CEP131: variants seen among roughly 807,000 people sequenced by gnomAD.
CEP131 encodes centrosomal protein 131, also known as centrosomal protein of 131 kDa.
CEP131 carries 99 observed loss-of-function variants against 136.8 expected under a neutral mutation model. The observed-to-expected ratio is 0.72, with a 90% confidence interval of 0.62 to 0.86. The LOEUF is 0.86. Ranked by LOEUF, CEP131 falls within the 40% of genes least tolerant of loss-of-function variation. The pLI, the probability that CEP131 is intolerant of heterozygous loss-of-function variation, is 0.00. For missense variants in CEP131, 1,459 were observed against 1,463.0 expected, an observed-to-expected ratio of 1.00 and a Z score of 0.04; for synonymous variants, 646 against 612.7, an observed-to-expected ratio of 1.05 and a Z score of -0.80.
chr17:81,216,412 T>C (rs2062247813), intron 2 of CEP131, among the ~76,000 whole-genome samples: 3 of 151,962 alleles, frequency 2.0e-5, no homozygotes, highest in Admixed American at 2.0e-4. Flanking sequence ...GCACCTGTAA[T>C]CCATGCTACT....
At position 81,208,771 on chromosome 17, in the gene CEP131, T is replaced by G. The variant is rs570871708; in HGVS notation, c.272+157A>C. On this transcript the variant is annotated intron_variant, in intron 3 of 25. Coordinates refer to ENST00000450824, the MANE Select transcript of CEP131 (RefSeq NM_014984.4). The surrounding 1 kb of genome is among the most constrained non-coding windows in gnomAD (Gnocchi z 5.6). Reference sequence around the variant, plus strand: ...CGAGAGGAGGCCTGGGACACAAAGCTGGCCCGTGAGGTCACTCCAGGCCTC... The same window carrying G: ...CGAGAGGAGGCCTGGGACACAAAGCGGGCCCGTGAGGTCACTCCAGGCCTC... 1.8e-3 allele frequency among the ~76,000 whole-genome samples: 279 copies of G among 152,060 alleles called. No homozygotes were observed. Among genetic ancestry groups the G allele is most frequent in the Middle Eastern group, 3.4e-3 (1 of 294 alleles).
In CEP131 at chr17:81,201,821, G is replaced by C. The variant is rs530061596; in HGVS notation, c.788+419C>G. 2.0e-5 allele frequency among the ~76,000 whole-genome samples: 3 copies of C among 152,306 alleles called. No individual in the cohort carries two copies. The East Asian group carries it at 5.8e-4, about 29-fold the overall frequency. On this transcript the variant is annotated intron_variant, in intron 7 of 25. Transcript: ENST00000450824. ...GCTCGGTCTCAATATTTTAAAACAGGCCGGGGGTGGTGGCTCACGCCTGTA... is the reference window on the plus strand; with the variant it reads ...GCTCGGTCTCAATATTTTAAAACAGCCCGGGGGTGGTGGCTCACGCCTGTA...
chr17:81,204,758 A>ACACCTGCACCGGACCG (rs938612928), intron 5 of CEP131, among the ~76,000 whole-genome samples: 2 of 149,030 alleles, frequency 1.3e-5, no homozygotes, highest in Non-Finnish European at 2.9e-5. Context: ...GCACCGGACC[A>ACACCTGCACCGGACCG]CACCTGCACC....
chr17:81,198,850 T>C (rs1237016313), intron 11 of CEP131, 27 bp downstream of exon 11: 1 of 1,557,344 alleles, frequency 6.4e-7, no homozygotes, highest in South Asian at 1.2e-5. Context: ...AAAACCATGA[T>C]GGAGTGAAGG....
chr17:81,218,694 C>T (rs541433900), intron 2 of CEP131, among the ~76,000 whole-genome samples: 7 of 152,380 alleles, frequency 4.6e-5, no homozygotes, highest in South Asian at 2.1e-4. Flanking sequence ...GCTACTGGCC[C>T]GGCTGCCCTT....
intron 5 of CEP131, among the ~76,000 whole-genome samples, chr17:81,206,441 C>T (rs925247836): frequency 6.6e-6 from 1 of 152,186 alleles, no homozygotes; most frequent in Non-Finnish European, 1.5e-5. Flanking sequence ...TCCCCAGGAC[C>T]CCCTACAAGC....
rs35898727 is a variant in CEP131, at chr17:81,193,939, GT to G, written c.2307del (p.Glu769AspfsTer50). 16 of 1,536,646 alleles carry G rather than the reference GT, an allele frequency of 1.0e-5. No homozygotes were observed. Among genetic ancestry groups the G allele is most frequent in the Non-Finnish European group, 8.8e-7 (1 of 1,141,832 alleles). ...EKEALGQQER[E>X]RARQRFQQHL... ...GCCACCACCCACCGCTGCCGAGCAC[GT>G]TCGCGCTCCTGCTGGCCCAGCGCCT... On this transcript the variant is annotated frameshift_variant, in exon 18 of 26. Coordinates refer to ENST00000450824, the MANE Select transcript of CEP131 (RefSeq NM_014984.4). LOFTEE classifies it high-confidence loss of function.
At chr17:81,197,974 G>A (rs2061802517) in intron 12 of CEP131, 86 bp from the exon 13 acceptor site, 3 of 1,537,826 alleles carry the variant, frequency 2.0e-6, no homozygotes, top group Non-Finnish European at 2.6e-6. Context: ...AGCTGAGGCT[G>A]GGCTCTGGGA....
intron 7 of CEP131, among the ~76,000 whole-genome samples, chr17:81,201,099 A>G (rs897488313): frequency 2.6e-5 from 4 of 152,252 alleles, no homozygotes; most frequent in Non-Finnish European, 4.4e-5. Flanking sequence ...AAAATGCTTC[A>G]CCTTGGCTCT....
In CEP131 at chr17:81,219,825, T is replaced by G; in HGVS notation, c.177+55A>C. ...CTGGACCCAGGGGTCAGATGCCAAC[T>G]GAACAACAGCCCTCCAGGAGGCAGG... On this transcript the variant is annotated intron_variant, in intron 2 of 25. Coordinates refer to ENST00000450824, the MANE Select transcript of CEP131 (RefSeq NM_014984.4). This position sits in a 1 kb window ranked among gnomAD's most constrained non-coding sequence, Gnocchi z 4.0. 1 of 1,477,372 alleles carries G rather than the reference T, an allele frequency of 6.8e-7. No homozygotes were observed. Among genetic ancestry groups the G allele is most frequent in the Non-Finnish European group, 9.0e-7 (1 of 1,105,376 alleles). The allele number at this position is 1,477,372 out of a possible 1,614,324, so 91.5% of individuals were successfully genotyped here. A position where few individuals can be genotyped will look rare whatever the true frequency, so the allele number is the denominator to read the frequency against.
chr17:81,203,495 T>G lies in CEP131; in HGVS notation c.628A>C (p.Asn210His), dbSNP rs201396137. 4 of 1,597,658 alleles carry G rather than the reference T, an allele frequency of 2.5e-6. No individual in the cohort carries two copies. The African/African-American group carries it at 5.3e-5, about 21-fold the overall frequency. ...KSSNQTAPSL[N>H]NIIKAATCEG... is the part of the protein sequence containing the mutation. ...CGCGGCCTCCCCAGAAGACCTTACTTGAGGGAGGGGGCAGTCTGGTTGGAG... is the reference window on the plus strand; with the variant it reads ...CGCGGCCTCCCCAGAAGACCTTACTGGAGGGAGGGGGCAGTCTGGTTGGAG... Residue 210 changes from asparagine (N) to histidine (H), a missense_variant and splice_region_variant, in exon 6 of 26, where the codon AAC (asparagine) becomes CAC (histidine). By Grantham distance (68) the Asn-to-His change is moderately conservative. Coordinates refer to ENST00000450824, the MANE Select transcript of CEP131 (RefSeq NM_014984.4). The surrounding 1 kb of genome is among the most constrained non-coding windows in gnomAD (Gnocchi z 4.6).
intron 17 of CEP131, among the ~76,000 whole-genome samples, chr17:81,194,361 G>A (rs2061709164): frequency 6.6e-6 from 1 of 152,180 alleles, no homozygotes; most frequent in Non-Finnish European, 1.5e-5. Context: ...GACACTCCTG[G>A]TGCTACCACT....
rs372186734 is a variant in CEP131 at position 81,206,804 on chromosome 17, G to A, written c.455C>T (p.Ala152Val). The part of the protein sequence containing the change: ...ARSSSALDSP[A>V]GPRRKECTVA... Reference sequence around the variant, plus strand: ...GGTGCATTCTTTCCTCCGCGGGCCCGCTGGTGAGTCAAGGGCACTGGAACT... The same window carrying A: ...GGTGCATTCTTTCCTCCGCGGGCCCACTGGTGAGTCAAGGGCACTGGAACT... Residue 152 changes from alanine to valine, a missense_variant, in exon 5 of 26, where the codon GCG becomes GTG. This residue lies in a region of CEP131 where 246 missense variants were observed against 318.9 expected (regional missense o/e 0.77). Transcript: ENST00000450824. 1.6e-5 allele frequency: 26 copies of A among 1,613,988 alleles called. No individual in the cohort carries two copies. Among genetic ancestry groups the A allele is most frequent in the East Asian group, 8.9e-5 (4 of 44,898 alleles).
chr17:81,199,331 C>A, intron 10 of CEP131, 50 bp downstream of exon 10: 1 of 1,525,652 alleles, frequency 6.6e-7, no homozygotes, highest in Non-Finnish European at 8.8e-7. Flanking sequence ...CACTTCCTTC[C>A]TGGCTGCAGT....
rs555966507 is a variant in CEP131, at chr17:81,220,178, C to T, written c.-17-105G>A. 2.4e-4 allele frequency: 245 copies of T among 1,019,408 alleles called. 2 individuals carry two copies. The highest frequency in any genetic ancestry group is 2.9e-4 in the Admixed American group (7 of 24,430). 63.1% of individuals were successfully genotyped at this position (1,019,408 alleles called of 1,614,324 possible). ...TCAGCTGGGTCCACTGGCCACCAAA[C>T]TTCCTGGGAAGGCCTGTCACAACCT... On this transcript the variant is annotated intron_variant, in intron 1 of 25. Coordinates refer to ENST00000450824, the MANE Select transcript of CEP131 (RefSeq NM_014984.4).
At chr17:81,218,798 G>T (rs909835938) in intron 2 of CEP131, among the ~76,000 whole-genome samples, 2 of 151,358 alleles carry the variant, frequency 1.3e-5, no homozygotes, top group African/African-American at 4.9e-5. Flanking sequence ...TCAAGGAGAA[G>T]GGGGAGGTCC....
intron 8 of CEP131, 66 bp from the exon 9 acceptor site, chr17:81,199,901 G>T: frequency 1.3e-6 from 2 of 1,536,402 alleles, no homozygotes; most frequent in Non-Finnish European, 1.8e-6. Flanking sequence ...CCAGACCAGA[G>T]GTTTCCCCAC....
In CEP131 at chr17:81,219,769, C is replaced by G; in HGVS notation, c.177+111G>C. 1 of 1,199,446 alleles carries G rather than the reference C, an allele frequency of 8.3e-7. No homozygotes were observed. Among genetic ancestry groups the G allele is most frequent in the Non-Finnish European group, 1.1e-6 (1 of 881,862 alleles). The allele number at this position is 1,199,446 out of a possible 1,614,324, so 74.3% of individuals were successfully genotyped here. On this transcript the variant is annotated intron_variant, in intron 2 of 25. Transcript: ENST00000450824. The surrounding 1 kb of genome is among the most constrained non-coding windows in gnomAD (Gnocchi z 4.0). ...GAACAGCCACGAGGATCCAGCATGT[C>G]CAGATGTGAGGCACTTGTTCACCTG...
In CEP131 at chr17:81,192,479, G is replaced by A. The variant is rs905617296; in HGVS notation, c.2544C>T (p.His848=). 4 of 1,611,864 alleles carry A rather than the reference G, an allele frequency of 2.5e-6. No homozygotes were observed. The highest frequency in any genetic ancestry group is 3.4e-6 in the Non-Finnish European group (4 of 1,179,798). The part of the protein sequence containing the change: ...EKGREEQERR[H]QMELNTLKQQ... ...GCACAGCCCTCCGGTGGTAGACCTG[G>A]TGCCGGCGCTCCTGCTCCTCCCTGC... The change falls in exon 20 of 26, where the codon CAC becomes CAT. Residue 848 remains histidine (H), a synonymous_variant. Coordinates refer to ENST00000450824, the MANE Select transcript of CEP131 (RefSeq NM_014984.4).
Sources: gnomAD v4.1 joint callset for allele counts (sites outside exome capture counted in the v4.1 genomes callset) on GRCh38, gnomAD v4.1.1 for gene constraint, gnomAD v4.1.1 regional missense constraint, Gnocchi (gnomAD v3.1) non-coding constraint, MANE v1.5 for transcripts, NCBI Gene and HGNC (gene_info 2026-07-23, HGNC 2026-07-21) for gene names.